SUSD1: variants seen among roughly 807,000 people sequenced by gnomAD.
The protein encoded by SUSD1 is sushi domain containing 1, also known as sushi domain-containing protein 1.
A neutral mutation model predicts 86.9 loss-of-function variants in SUSD1; 65 were observed. The ratio of observed to expected loss-of-function variants is 0.75; its 90% confidence interval spans 0.61 to 0.92. SUSD1 has a LOEUF of 0.92. SUSD1 is among the 40% of genes least tolerant of loss of function. SUSD1 has a pLI of 0.00. For missense variants in SUSD1, 850 were observed against 929.7 expected (o/e 0.91, Z 1.11); for synonymous variants, 346 against 350.0 (o/e 0.99, Z 0.13).
intron 6 of SUSD1, among the ~76,000 whole-genome samples, chr9:112,114,187 A>G (rs10981262): frequency 6.6e-6 from 1 of 152,040 alleles, no homozygotes; most frequent in Non-Finnish European, 1.5e-5. Flanking sequence ...TTACAATACT[A>G]TCAAAAACAA....
chr9:112,152,962 T>C (rs1457013761), intron 2 of SUSD1, among the ~76,000 whole-genome samples: 1 of 151,880 alleles, frequency 6.6e-6, no homozygotes, highest in Non-Finnish European at 1.5e-5. Flanking sequence ...TTTTAAACTT[T>C]CTTATTAAAA....
intron 15 of SUSD1, among the ~76,000 whole-genome samples, chr9:112,043,498 T>TA (rs1318557974): frequency 6.6e-6 from 1 of 152,084 alleles, no homozygotes; most frequent in Non-Finnish European, 1.5e-5. Flanking sequence ...AAGTAATCCT[T>TA]AAAAACCCCA....
At chr9:112,071,975 C>T (rs1172367575) in intron 12 of SUSD1, among the ~76,000 whole-genome samples, 1 of 152,162 alleles carries the variant, frequency 6.6e-6, no homozygotes, top group East Asian at 1.9e-4. Flanking sequence ...AGTTATGAGA[C>T]TTCACCTCCC....
intron 5 of SUSD1, among the ~76,000 whole-genome samples, chr9:112,136,174 A>G (rs1832253964): frequency 6.6e-6 from 1 of 152,228 alleles, no homozygotes; most frequent in Non-Finnish European, 1.5e-5. Context: ...GTGTTAAAAG[A>G]TCAGTATATC....
chr9:112,162,847 C>T (rs1054700980), intron 1 of SUSD1, among the ~76,000 whole-genome samples: 5 of 152,194 alleles, frequency 3.3e-5, no homozygotes, highest in Non-Finnish European at 5.9e-5. Context: ...AATCTGTAAC[C>T]AACCAAATCG....
chr9:112,162,672 G>C (rs1169645644), intron 1 of SUSD1, among the ~76,000 whole-genome samples: 1 of 152,170 alleles, frequency 6.6e-6, no homozygotes, highest in Non-Finnish European at 1.5e-5. Context: ...ACCAAGCCTT[G>C]AGAGGAATGT....
At chr9:112,087,508 T>C (rs1255450886) in intron 10 of SUSD1, among the ~76,000 whole-genome samples, 1 of 151,470 alleles carries the variant, frequency 6.6e-6, no homozygotes, top group African/African-American at 2.4e-5. Context: ...AAAACATAAA[T>C]GGACACAAAA....
Position 112,052,406 on chromosome 9 carries a change from C to T in SUSD1, c.2142G>A (p.Gln714=), listed in dbSNP as rs770918386. ...VRRHSCAVWA[Q]VKDSSLMLLQ... is the part of the protein sequence containing the mutation. ...GGCAGAAAATAATTTTACCTTTCACCTGAGCCCAAACTGCACAGGAGTGTC... is the reference window on the plus strand; with the variant it reads ...GGCAGAAAATAATTTTACCTTTCACTTGAGCCCAAACTGCACAGGAGTGTC... Residue 714 remains glutamine, a synonymous_variant, in exon 15 of 17, where the codon CAG becomes CAA. Transcript: ENST00000374270. The T allele has an allele frequency of 1.2e-6, 2 of 1,614,030 alleles. No individual in the cohort carries two copies. The highest frequency in any genetic ancestry group is 1.7e-6 in the Non-Finnish European group (2 of 1,179,988).
chr9:112,130,729 A>T (rs558307294), intron 5 of SUSD1, among the ~76,000 whole-genome samples: 1 of 152,118 alleles, frequency 6.6e-6, no homozygotes, highest in Admixed American at 6.6e-5. Context: ...TACAACAGAA[A>T]ATCCTACAAA....
chr9:112,053,964 C>T (rs1480236167), intron 14 of SUSD1, among the ~76,000 whole-genome samples: 1 of 152,142 alleles, frequency 6.6e-6, no homozygotes, highest in Non-Finnish European at 1.5e-5. Flanking sequence ...GTAGAATTGA[C>T]ATGATTTGCT....
intron 1 of SUSD1, chr9:112,169,377 A>G (rs1269174988): frequency 6.6e-6 from 1 of 150,398 alleles, no homozygotes; most frequent in East Asian, 2.0e-4. Flanking sequence ...CCTTCTCACT[A>G]CTGTACTTGA....
chr9:112,046,972 C>T (rs915950031), intron 15 of SUSD1, among the ~76,000 whole-genome samples: 1 of 152,200 alleles, frequency 6.6e-6, no homozygotes, highest in African/African-American at 2.4e-5. Context: ...GCTCAGAATT[C>T]TGTGGGTGGT....
intron 3 of SUSD1, 58 bp from the exon 4 acceptor site, chr9:112,143,681 A>T (rs1241999582): frequency 7.9e-6 from 12 of 1,519,046 alleles, no homozygotes; most frequent in Non-Finnish European, 1.1e-5. Flanking sequence ...GAAAAAAAAA[A>T]GGAGAGGATA....
intron 10 of SUSD1, among the ~76,000 whole-genome samples, chr9:112,096,137 A>C (rs1234284460): frequency 6.6e-6 from 1 of 152,156 alleles, no homozygotes; most frequent in East Asian, 1.9e-4. Context: ...GCTACATTAT[A>C]CTTACTACTA....
Position 112,078,731 on chromosome 9 carries a change from CATA to C in SUSD1, c.1567-10_1567-8del. On this transcript the variant is annotated splice_region_variant and splice_polypyrimidine_tract_variant and intron_variant, in intron 11 of 16. Transcript: ENST00000374270. Reference sequence around the variant, plus strand: ...TCTGGCCCCAAATGTGGAACTGAAACATAAAAAAGCTCACTGGGTGAATGGTTG... The same window carrying C: ...TCTGGCCCCAAATGTGGAACTGAAACAAAAAGCTCACTGGGTGAATGGTTG... 6.2e-7 allele frequency: 1 copy of C among 1,604,012 alleles called. No individual in the cohort carries two copies. Among genetic ancestry groups the C allele is most frequent in the Non-Finnish European group, 8.5e-7 (1 of 1,172,316 alleles).
intron 1 of SUSD1, among the ~76,000 whole-genome samples, chr9:112,165,140 C>T (rs915090044): frequency 6.6e-6 from 1 of 152,144 alleles, no homozygotes; most frequent in Non-Finnish European, 1.5e-5. Flanking sequence ...AAAGTTCTGA[C>T]ATTTCCTTCT....
chr9:112,049,285 G>A (rs1412803294), intron 15 of SUSD1, among the ~76,000 whole-genome samples: 1 of 152,186 alleles, frequency 6.6e-6, no homozygotes, highest in Non-Finnish European at 1.5e-5. Context: ...AATGTTCCCC[G>A]ATTACAGCTT....
chr9:112,100,477 C>T (rs532283409), intron 9 of SUSD1, among the ~76,000 whole-genome samples: 5 of 152,220 alleles, frequency 3.3e-5, no homozygotes, highest in East Asian at 1.9e-4. Flanking sequence ...TGAGCCACCA[C>T]GCCTGGCCAA....
rs563143228 is a variant in SUSD1, at chr9:112,140,217, C to T, written c.706+2103G>A. Among the ~76,000 whole-genome samples, 2 of 128,542 alleles carry T rather than the reference C, an allele frequency of 1.6e-5. 1 individual carries two copies. The highest frequency in any genetic ancestry group is 3.2e-5 in the Non-Finnish European group (2 of 63,224). 84.3% of individuals were successfully genotyped at this position (128,542 alleles called of 152,430 possible). On this transcript the variant is annotated intron_variant, in intron 5 of 16. Coordinates refer to ENST00000374270, the MANE Select transcript of SUSD1 (RefSeq NM_022486.5). Reference sequence around the variant, plus strand: ...CTCTACCAAAAATACAAAAAATTAGCCGGGCGCGGTGGCGGGCGCCTGTAG... The same window carrying T: ...CTCTACCAAAAATACAAAAAATTAGTCGGGCGCGGTGGCGGGCGCCTGTAG...
Sources: allele counts gnomAD v4.1 joint callset (sites outside exome capture counted in the v4.1 genomes callset), GRCh38; gene constraint gnomAD v4.1.1; transcripts MANE v1.5; gene names NCBI Gene and HGNC (gene_info 2026-07-23, HGNC 2026-07-21).